PTPRG: variants seen among roughly 807,000 people sequenced by gnomAD.
The protein encoded by PTPRG is protein tyrosine phosphatase receptor type G.
A neutral mutation model predicts 165.3 loss-of-function variants in PTPRG; 102 were observed. The observed-to-expected ratio is 0.62, with a 90% CI of 0.53 to 0.73. The LOEUF (loss-of-function observed/expected upper bound fraction) is 0.73. PTPRG is among the 30% of genes least tolerant of loss of function. PTPRG has a pLI of 0.00. For synonymous variants in PTPRG, 675 were observed against 669.5 expected, an observed-to-expected ratio of 1.01 and a Z score of -0.13; for missense variants, 1,866 against 1,861.4, an observed-to-expected ratio of 1.00 and a Z score of -0.05.
chr3:62,203,095 C>A lies in PTPRG; in HGVS notation c.1378-78C>A, dbSNP rs972121579. The stretch of plus-strand genomic sequence containing the variant: ...AGAGGGTGACAACCAGGGCCTCATT[C>A]CCAATCTCAATTACTGATGCTTCTC... On this transcript the variant is annotated intron_variant, in intron 11 of 29. Transcript: ENST00000474889. The surrounding 1 kb of genome is among the most constrained non-coding windows in gnomAD (Gnocchi z 6.4). The A allele has an allele frequency of 2.6e-6, 4 of 1,515,512 alleles. No homozygotes were observed. The highest frequency in any genetic ancestry group is 3.5e-6 in the Non-Finnish European group (4 of 1,132,292). 93.9% of individuals were successfully genotyped at this position (1,515,512 alleles called of 1,614,324 possible). A position where few individuals can be genotyped will look rare whatever the true frequency, so the allele number is the denominator to read the frequency against.
intron 1 of PTPRG, chr3:61,742,410 T>TTG (rs2033028195): frequency 8.2e-7 from 1 of 1,223,442 alleles, no homozygotes; most frequent in African/African-American, 1.5e-5. Context: ...GGAATTTTTT[T>TTG]TTTTTTTTTT....
Position 62,040,225 on chromosome 3 carries a change from C to A in PTPRG, c.519+36728C>A, listed in dbSNP as rs554733667. ...TATATTTCACATACCAAAGTACATT[C>A]CAAGTTTCACAAATTGGAGACAATT... On this transcript the variant is annotated intron_variant, in intron 4 of 29. Coordinates refer to ENST00000474889, the MANE Select transcript of PTPRG (RefSeq NM_002841.4). Among the ~76,000 whole-genome samples, 4 of 152,176 alleles carry A rather than the reference C, an allele frequency of 2.6e-5. No individual in the cohort carries two copies. In the East Asian group the frequency reaches 7.7e-4, roughly 29 times the overall value.
Position 62,282,854 on chromosome 3 carries a change from C to T in PTPRG, c.4040C>T (p.Thr1347Ile), listed in dbSNP as rs1702505010. The T allele has an allele frequency of 1.2e-6, 2 of 1,608,716 alleles. No individual in the cohort carries two copies. The highest frequency in any genetic ancestry group is 1.7e-6 in the Non-Finnish European group (2 of 1,177,068). ...GAGGCCTTAACAAGGGATGGTCCCA[C>T]CATTGTTCATGATGAGTATGTATCT... ...KEEALTRDGPTIVHDEYGAVS... is the reference protein window; with the variant it reads ...KEEALTRDGPIIVHDEYGAVS... Residue 1347 changes from threonine (T) to isoleucine (I), a missense_variant, in exon 28 of 30, where the codon ACC becomes ATC. Physicochemically the swap from Thr to Ile is moderately conservative, Grantham distance 89. Transcript: ENST00000474889.
intron 2 of PTPRG, among the ~76,000 whole-genome samples, chr3:61,889,510 T>C (rs2038147748): frequency 1.3e-5 from 2 of 152,340 alleles, no homozygotes; most frequent in Admixed American, 1.3e-4. Context: ...GTTTACATAC[T>C]CAGTAATGTG....
At chr3:61,815,413 T>G (rs1480807555) in intron 2 of PTPRG, among the ~76,000 whole-genome samples, 3 of 151,984 alleles carry the variant, frequency 2.0e-5, no homozygotes, top group Admixed American at 6.6e-5. Context: ...AAATTAAAAT[T>G]AAAAATAAAA....
At chr3:61,993,673 GGTCT>G (rs1225466911) in intron 3 of PTPRG, among the ~76,000 whole-genome samples, 13 of 152,154 alleles carry the variant, frequency 8.5e-5, no homozygotes, top group African/African-American at 2.9e-4. Flanking sequence ...TAAGCCACAT[GGTCT>G]GTCTTTGTGC....
In PTPRG at chr3:62,201,594, G is replaced by A. The variant is rs763282976; in HGVS notation, c.1377+40G>A. ...GGAAATTGCTTTGTCGTGGCTGGTTGTTAATTTGCTTGCAGTTAAAACTGT... is the reference window on the plus strand; with the variant it reads ...GGAAATTGCTTTGTCGTGGCTGGTTATTAATTTGCTTGCAGTTAAAACTGT... On this transcript the variant is annotated intron_variant, in intron 11 of 29. Transcript: ENST00000474889. The A allele has an allele frequency of 1.8e-5, 29 of 1,596,746 alleles. No homozygotes were observed. The East Asian group carries it at 6.0e-4, about 33-fold the overall frequency.
At chr3:62,263,374 A>G (rs1201871016) in intron 17 of PTPRG, 2 of 155,274 alleles carry the variant, frequency 1.3e-5, no homozygotes, top group African/African-American at 4.8e-5. Flanking sequence ...GCTTACTCCT[A>G]TCTATCACAT....
intron 2 of PTPRG, among the ~76,000 whole-genome samples, chr3:61,931,285 A>G (rs759211550): frequency 3.9e-5 from 6 of 152,196 alleles, no homozygotes; most frequent in Non-Finnish European, 7.4e-5. Context: ...TTCACCCTCA[A>G]CAGTTCTGCT....
chr3:61,582,303 G>A (rs572780116), intron 1 of PTPRG, among the ~76,000 whole-genome samples: 6 of 152,010 alleles, frequency 3.9e-5, no homozygotes, highest in Non-Finnish European at 7.4e-5. Flanking sequence ...TTTTGGTGCT[G>A]GGAATGCTGA....
intron 2 of PTPRG, among the ~76,000 whole-genome samples, chr3:61,974,351 C>G (rs1373301208): frequency 6.6e-6 from 1 of 151,920 alleles, no homozygotes; most frequent in Non-Finnish European, 1.5e-5. Flanking sequence ...GTCAGGAGTT[C>G]AAGACCAGCC....
intron 1 of PTPRG, among the ~76,000 whole-genome samples, chr3:61,717,687 G>C (rs2031865945): frequency 6.6e-6 from 1 of 152,146 alleles, no homozygotes. Flanking sequence ...TACTTGGGAG[G>C]CTGAGGCAGG....
intron 1 of PTPRG, among the ~76,000 whole-genome samples, chr3:61,614,890 C>T (rs1187538831): frequency 1.3e-5 from 2 of 152,184 alleles, no homozygotes; most frequent in African/African-American, 4.8e-5. Flanking sequence ...TTGTATGTGG[C>T]AGCTCCTTCT....
intron 1 of PTPRG, among the ~76,000 whole-genome samples, chr3:61,615,357 T>C (rs901371196): frequency 5.9e-5 from 9 of 152,230 alleles, no homozygotes; most frequent in Admixed American, 4.6e-4. Context: ...ACACCAGTTG[T>C]TTAGCTAGAC....
intron 1 of PTPRG, chr3:61,659,462 T>C (rs1575570524): frequency 1.0e-6 from 1 of 984,120 alleles, no homozygotes; most frequent in African/African-American, 1.7e-5. Context: ...GTCCAGACAG[T>C]GGGGTGACCA....
At chr3:62,242,503 G>A (rs150267095) in intron 14 of PTPRG, among the ~76,000 whole-genome samples, 2 of 152,236 alleles carry the variant, frequency 1.3e-5, no homozygotes, top group East Asian at 3.9e-4. Context: ...CTGAAAATAG[G>A]CACTGCTTAA....
rs908683964 is a variant in PTPRG, at chr3:62,229,789, G to A, written c.2289-1436G>A. On this transcript the variant is annotated intron_variant, in intron 13 of 29. Transcript: ENST00000474889. This position sits in a 1 kb window ranked among gnomAD's most constrained non-coding sequence, Gnocchi z 4.6. ...GTGTGGCATTTGCTTCTCAGCAAAA[G>A]TGTTGTCAGTTTACGGGTGGTAGTT... Among the ~76,000 whole-genome samples the A allele has an allele frequency of 6.6e-6, 1 of 152,218 alleles. No individual in the cohort carries two copies. Among genetic ancestry groups the A allele is most frequent in the Non-Finnish European group, 1.5e-5 (1 of 68,040 alleles).
At chr3:62,022,974 G>C (rs1248215286) in intron 4 of PTPRG, among the ~76,000 whole-genome samples, 1 of 151,768 alleles carries the variant, frequency 6.6e-6, no homozygotes, top group Non-Finnish European at 1.5e-5. Flanking sequence ...CTTATTGCGT[G>C]TTTATTAAAA....
At chr3:61,622,828 G>A (rs1233406007) in intron 1 of PTPRG, among the ~76,000 whole-genome samples, 1 of 152,164 alleles carries the variant, frequency 6.6e-6, no homozygotes, top group African/African-American at 2.4e-5. Flanking sequence ...GCCTCTTAAT[G>A]AATCACATTA....
Sources: gnomAD v4.1 joint callset for allele counts (sites outside exome capture counted in the v4.1 genomes callset) on GRCh38, gnomAD v4.1.1 for gene constraint, Gnocchi (gnomAD v3.1) non-coding constraint, MANE v1.5 for transcripts, NCBI Gene and HGNC (gene_info 2026-07-23, HGNC 2026-07-21) for gene names.